Variants in MYO3A observed in about 807,000 individuals in gnomAD.
The protein encoded by MYO3A is myosin-IIIa.
In MYO3A, 180 loss-of-function variants were observed where a neutral mutation model predicts 192.7. The observed-to-expected ratio is 0.93, with a 90% CI of 0.83 to 1.06. MYO3A has a LOEUF of 1.06. Among genes scored for constraint, MYO3A ranks in the 50% least tolerant of loss-of-function variants. The probability of loss-of-function intolerance (pLI) is 0.00; values close to 1 mark genes in which losing one functional copy is unlikely to be tolerated. For synonymous variants in MYO3A, 628 were observed against 645.3 expected (o/e 0.97, Z 0.41); for missense variants, 1,896 against 1,905.0 (o/e 1.00, Z 0.09).
intron 10 of MYO3A, among the ~76,000 whole-genome samples, chr10:26,049,039 G>A (rs926989032): frequency 6.6e-6 from 1 of 152,192 alleles, no homozygotes; most frequent in African/African-American, 2.4e-5. Context: ...CGTAACCTGA[G>A]TGTTTTGGAG....
chr10:25,979,399 T>G (rs1407864112), intron 4 of MYO3A, among the ~76,000 whole-genome samples: 1 of 151,132 alleles, frequency 6.6e-6, no homozygotes, highest in Non-Finnish European at 1.5e-5. Flanking sequence ...GAGAAAAGCT[T>G]TTCTTCTATT....
chr10:26,133,525 A>G lies in MYO3A; in HGVS notation c.2262+4987A>G, dbSNP rs551180008. ...CTCTTTCATTGGTGAAGTTTGGTCGACACCCTTAATGTGATGTGGGGATTT... is the reference window on the plus strand; with the variant it reads ...CTCTTTCATTGGTGAAGTTTGGTCGGCACCCTTAATGTGATGTGGGGATTT... On this transcript the variant is annotated intron_variant, in intron 20 of 34. Coordinates refer to ENST00000642920, the MANE Select transcript of MYO3A (RefSeq NM_017433.5). Among the ~76,000 whole-genome samples the G allele has an allele frequency of 1.1e-4, 16 of 152,304 alleles. No homozygotes were observed. In the East Asian group the frequency reaches 3.1e-3, roughly 29 times the overall value.
chr10:26,078,744 C>T (rs1163025209), intron 14 of MYO3A, among the ~76,000 whole-genome samples: 1 of 151,884 alleles, frequency 6.6e-6, no homozygotes, highest in Non-Finnish European at 1.5e-5. Context: ...TTTAATTTCC[C>T]TCTTGATTTT....
chr10:26,017,153 A>G (rs1325854647), intron 7 of MYO3A, among the ~76,000 whole-genome samples: 1 of 152,192 alleles, frequency 6.6e-6, no homozygotes. Flanking sequence ...TCCAGGTTTG[A>G]TTTTTCATTA....
intron 6 of MYO3A, among the ~76,000 whole-genome samples, chr10:26,001,048 G>A (rs1352830051): frequency 6.6e-6 from 1 of 152,074 alleles, no homozygotes; most frequent in Admixed American, 6.6e-5. Context: ...AACAGCAAGG[G>A]GAAATCTGCC....
At chr10:26,007,973 C>A (rs1409378239) in intron 6 of MYO3A, among the ~76,000 whole-genome samples, 1 of 151,716 alleles carries the variant, frequency 6.6e-6, no homozygotes, top group Non-Finnish European at 1.5e-5. Flanking sequence ...CACTACCTGA[C>A]TTCAAACTAT....
In MYO3A at chr10:25,952,134, A is replaced by C; in HGVS notation, c.24A>C (p.Thr8=). 1.2e-6 allele frequency: 2 copies of C among 1,612,008 alleles called. No homozygotes were observed. Among genetic ancestry groups the C allele is most frequent in the Non-Finnish European group, 1.7e-6 (2 of 1,178,564 alleles). MFPLIGK[T]IIFDNFPDPS... ...AGATGTTTCCATTAATTGGAAAAAC[A>C]ATCATCTTTGATAACTTTCCTGATC... Residue 8 remains threonine, a synonymous_variant, in exon 3 of 35, where the codon ACA becomes ACC. Transcript: ENST00000642920.
At chr10:26,192,331 G>T (rs992011009) in intron 31 of MYO3A, among the ~76,000 whole-genome samples, 3 of 152,170 alleles carry the variant, frequency 2.0e-5, no homozygotes, top group Admixed American at 6.5e-5. Context: ...TTTGGAGAAA[G>T]AATAGATTAG....
chr10:26,157,657 AAAG>A (rs1344476559), intron 26 of MYO3A, 142 bp downstream of exon 26: 2 of 908,822 alleles, frequency 2.2e-6, no homozygotes, highest in Non-Finnish European at 1.7e-6. Context: ...TGTGTTGAAA[AAAG>A]AAGATAGCTA....
At chr10:26,103,543 A>G (rs938085985) in intron 17 of MYO3A, among the ~76,000 whole-genome samples, 1 of 152,184 alleles carries the variant, frequency 6.6e-6, no homozygotes, top group Non-Finnish European at 1.5e-5. Context: ...TTGTTAAATA[A>G]TATTTCATTT....
chr10:26,084,579 T>C (rs1456573480), intron 14 of MYO3A, among the ~76,000 whole-genome samples: 1 of 152,198 alleles, frequency 6.6e-6, no homozygotes, highest in East Asian at 1.9e-4. Flanking sequence ...CACAGCTCAC[T>C]GCAGTGTCTG....
chr10:26,120,949 T>C, intron 18 of MYO3A, 147 bp downstream of exon 18: 1 of 1,049,878 alleles, frequency 9.5e-7, no homozygotes, highest in Non-Finnish European at 1.4e-6. Flanking sequence ...AAATTAAAAT[T>C]TTAAAGTCCA....
intron 10 of MYO3A, among the ~76,000 whole-genome samples, chr10:26,030,956 A>G (rs1361376): frequency 0.31 from 47,458 of 152,036 alleles, 7,696 homozygotes; most frequent in Middle Eastern, 0.44. Flanking sequence ...GTTATAATAC[A>G]CTCCTCAAAA....
At chr10:26,138,902 GC>G (rs552287438) in intron 20 of MYO3A, among the ~76,000 whole-genome samples, 1 of 152,298 alleles carries the variant, frequency 6.6e-6, no homozygotes, top group South Asian at 2.1e-4. Context: ...AGACCAGGGA[GC>G]AAACATCAAC....
At chr10:25,940,433 C>T (rs925918149) in intron 2 of MYO3A, among the ~76,000 whole-genome samples, 6 of 151,994 alleles carry the variant, frequency 3.9e-5, no homozygotes, top group East Asian at 1.9e-4. Context: ...ATATGAGGAA[C>T]GTAGAACATT....
At chr10:26,133,078 T>C (rs145272104) in intron 20 of MYO3A, among the ~76,000 whole-genome samples, 8 of 152,354 alleles carry the variant, frequency 5.3e-5, no homozygotes, top group Admixed American at 3.9e-4. Flanking sequence ...AACCCCCTTA[T>C]CAGTGTCTTC....
rs1432895044 is a variant in MYO3A, at chr10:26,157,501, T to C, written c.2985T>C (p.Ala995=). The part of the protein sequence containing the change: ...RLGFSHRILF[A]NFIKRYYLLC... ...GATTCTCCCATCGGATACTTTTTGC[T>C]AACTTTATAAAGCGGTATGTGGATT... Residue 995 remains alanine (A), a synonymous_variant, in exon 26 of 35, where the codon GCT becomes GCC. Coordinates refer to ENST00000642920, the MANE Select transcript of MYO3A (RefSeq NM_017433.5). 6.2e-7 allele frequency: 1 copy of C among 1,613,904 alleles called. No homozygotes were observed. Among genetic ancestry groups the C allele is most frequent in the Non-Finnish European group, 8.5e-7 (1 of 1,179,872 alleles).
intron 23 of MYO3A, among the ~76,000 whole-genome samples, chr10:26,151,071 G>A (rs554152685): frequency 2.0e-5 from 3 of 152,182 alleles, no homozygotes; most frequent in Admixed American, 2.0e-4. Context: ...TAACTTTATT[G>A]AGATATGTTT....
chr10:26,186,216 A>G (rs1842857659), intron 31 of MYO3A, among the ~76,000 whole-genome samples: 1 of 151,390 alleles, frequency 6.6e-6, no homozygotes, highest in Non-Finnish European at 1.5e-5. Flanking sequence ...TCCTTCAACA[A>G]TTTGGGAGCA....
Sources: allele counts gnomAD v4.1 joint callset (sites outside exome capture counted in the v4.1 genomes callset), GRCh38; gene constraint gnomAD v4.1.1; transcripts MANE v1.5; gene names NCBI Gene and HGNC (gene_info 2026-07-23, HGNC 2026-07-21).